The following RAI14 variants were observed in gnomAD, a reference collection of about 807,000 sequenced individuals.
RAI14 encodes the protein ankycorbin.
Under a neutral mutation model 115.4 loss-of-function variants are expected in RAI14, and 45 were observed. The observed-to-expected ratio is 0.39, with a 90% confidence interval of 0.31 to 0.50. The LOEUF (loss-of-function observed/expected upper bound fraction) is 0.50. Among genes scored for constraint, RAI14 ranks in the 20% least tolerant of loss-of-function variants. RAI14 has a pLI of 0.85. For synonymous variants in RAI14, 371 were observed against 415.4 expected (o/e 0.89, Z 1.30); for missense variants, 939 against 1,131.2 (o/e 0.83, Z 2.44).
chr5:34,820,371 G>A (rs367819646), intron 13 of RAI14, among the ~76,000 whole-genome samples: 3 of 152,318 alleles, frequency 2.0e-5, no homozygotes, highest in East Asian at 3.9e-4. Context: ...CCTGAGGTCA[G>A]GAGTTCGAGA....
intron 2 of RAI14, among the ~76,000 whole-genome samples, chr5:34,740,054 A>G (rs557271481): frequency 6.6e-6 from 1 of 152,298 alleles, no homozygotes; most frequent in South Asian, 2.1e-4. Flanking sequence ...CTCTGTCTCA[A>G]AAAATTAAAA....
At chr5:34,797,107 C>G (rs914031028) in intron 4 of RAI14, among the ~76,000 whole-genome samples, 2 of 152,144 alleles carry the variant, frequency 1.3e-5, no homozygotes, top group African/African-American at 2.4e-5. Flanking sequence ...CCCAAAAGAC[C>G]AAAGCAACCA....
At chr5:34,756,025 A>T (rs189056056) in intron 2 of RAI14, among the ~76,000 whole-genome samples, 1 of 152,132 alleles carries the variant, frequency 6.6e-6, no homozygotes, top group South Asian at 2.1e-4. Context: ...GTGCACCTGC[A>T]CTCAGTGTTG....
intron 2 of RAI14, among the ~76,000 whole-genome samples, chr5:34,690,555 C>T (rs1279601524): frequency 2.0e-5 from 3 of 152,256 alleles, no homozygotes; most frequent in Middle Eastern, 3.4e-3. Flanking sequence ...CTCTGTGACC[C>T]GAGAACCATC....
At chr5:34,768,818 G>A (rs938175430) in intron 3 of RAI14, among the ~76,000 whole-genome samples, 2 of 152,058 alleles carry the variant, frequency 1.3e-5, no homozygotes, top group African/African-American at 4.8e-5. Flanking sequence ...GTGAAATGCC[G>A]TCTGTACTAA....
At chr5:34,820,105 A>C (rs1398842366) in intron 13 of RAI14, among the ~76,000 whole-genome samples, 1 of 152,236 alleles carries the variant, frequency 6.6e-6, no homozygotes, top group Non-Finnish European at 1.5e-5. Flanking sequence ...TGATTTAGGC[A>C]TCAGACTTAT....
intron 1 of RAI14, among the ~76,000 whole-genome samples, chr5:34,669,665 G>A (rs1743483722): frequency 6.6e-6 from 1 of 152,126 alleles, no homozygotes; most frequent in Non-Finnish European, 1.5e-5. Flanking sequence ...GATTCCATTT[G>A]TATAATATCA....
intron 3 of RAI14, among the ~76,000 whole-genome samples, chr5:34,792,186 C>G (rs1752988011): frequency 6.6e-6 from 1 of 151,826 alleles, no homozygotes; most frequent in Non-Finnish European, 1.5e-5. Flanking sequence ...TCATACACTT[C>G]TAGCTAAAAT....
intron 3 of RAI14, among the ~76,000 whole-genome samples, chr5:34,781,277 C>T (rs168063): frequency 7.3e-5 from 11 of 151,442 alleles, no homozygotes; most frequent in African/African-American, 1.9e-4. Context: ...ATGTAAATGA[C>T]GAGTTAATGG....
intron 1 of RAI14, chr5:34,685,840 AT>A (rs1485101346): frequency 1.3e-5 from 2 of 152,218 alleles, no homozygotes; most frequent in Non-Finnish European, 2.9e-5. Flanking sequence ...CTAAAAGATA[AT>A]TACATTCCAT....
chr5:34,787,779 C>G (rs1752465645), intron 3 of RAI14, among the ~76,000 whole-genome samples: 1 of 149,396 alleles, frequency 6.7e-6, no homozygotes, highest in Admixed American at 6.7e-5. Flanking sequence ...AGATTAAATT[C>G]TCATTTATTT....
At chr5:34,733,089 A>T (rs543836592) in intron 2 of RAI14, 132 of 152,262 alleles carry the variant, frequency 8.7e-4, no homozygotes, top group African/African-American at 3.1e-3. Context: ...AGATTGTTTT[A>T]TTATATTCTA....
chr5:34,747,125 T>A (rs1746366094), intron 2 of RAI14, among the ~76,000 whole-genome samples: 1 of 152,230 alleles, frequency 6.6e-6, no homozygotes, highest in Non-Finnish European at 1.5e-5. Flanking sequence ...AACCAACTAA[T>A]ACAGTTCCCT....
intron 2 of RAI14, among the ~76,000 whole-genome samples, chr5:34,702,855 C>T (rs564968013): frequency 3.9e-5 from 6 of 152,212 alleles, no homozygotes; most frequent in South Asian, 4.1e-4. Context: ...TACAGGCATG[C>T]GCCACCATGC....
intron 3 of RAI14, among the ~76,000 whole-genome samples, chr5:34,766,837 C>T (rs1378096183): frequency 1.3e-5 from 2 of 152,114 alleles, no homozygotes; most frequent in Non-Finnish European, 2.9e-5. Context: ...AATTGTACTC[C>T]CATAATTCCT....
chr5:34,688,354 TC>T, intron 2 of RAI14: 1 of 1,132,778 alleles, frequency 8.8e-7, no homozygotes, highest in African/African-American at 1.6e-5. Flanking sequence ...TAGGTAGCTT[TC>T]ATTTACATAG....
intron 5 of RAI14, among the ~76,000 whole-genome samples, chr5:34,806,647 G>A (rs941614416): frequency 2.0e-5 from 3 of 152,088 alleles, no homozygotes; most frequent in Non-Finnish European, 4.4e-5. Context: ...AGGAATCAAA[G>A]CTGAATCGCT....
chr5:34,695,803 C>CTTTT (rs376091071), intron 2 of RAI14, among the ~76,000 whole-genome samples: 6 of 128,960 alleles, frequency 4.7e-5, no homozygotes, highest in Admixed American at 8.1e-5. Flanking sequence ...AAGCACTTTC[C>CTTTT]TTTTTTTTTT....
chr5:34,735,872 C>T (rs192312163), intron 2 of RAI14, among the ~76,000 whole-genome samples: 56 of 152,274 alleles, frequency 3.7e-4, no homozygotes, highest in African/African-American at 1.0e-3. Context: ...ATAAGCTCTG[C>T]GAGTTAGGAA....
Sources: allele counts gnomAD v4.1 joint callset (sites outside exome capture counted in the v4.1 genomes callset), GRCh38; gene constraint gnomAD v4.1.1; transcripts MANE v1.5; gene names NCBI Gene and HGNC (gene_info 2026-07-23, HGNC 2026-07-21).